The following FSHR variants were observed in gnomAD, a reference collection of about 807,000 sequenced individuals.
FSHR encodes the protein follicle-stimulating hormone receptor.
Under a neutral mutation model 52.1 loss-of-function variants are expected in FSHR, and 46 were observed. The ratio of observed to expected loss-of-function variants is 0.88; its 90% CI spans 0.70 to 1.13. The LOEUF is 1.13. Ranked by LOEUF, FSHR falls within the 50% of genes most tolerant of loss-of-function variation. FSHR has a pLI of 0.00. For missense variants in FSHR, 964 were observed against 834.6 expected (o/e 1.16, Z -1.91); for synonymous variants, 399 against 309.6 (o/e 1.29, Z -3.03).
chr2:49,081,107 C>A (rs987807029), intron 1 of FSHR, among the ~76,000 whole-genome samples: 6 of 152,050 alleles, frequency 3.9e-5, no homozygotes, highest in African/African-American at 1.4e-4. Flanking sequence ...CTCCTCCTGC[C>A]CCAGGGTGTG....
Position 49,122,138 on chromosome 2 carries a change from CT to C in FSHR, c.152+32127del, listed in dbSNP as rs556941053. 1.1e-4 allele frequency among the ~76,000 whole-genome samples: 16 copies of C among 152,222 alleles called. No homozygotes were observed. In the South Asian group the frequency reaches 3.1e-3, roughly 30 times the overall value. On this transcript the variant is annotated intron_variant, in intron 1 of 9. Coordinates refer to ENST00000406846, the MANE Select transcript of FSHR (RefSeq NM_000145.4). ...TGGTGGTGAGAGAGGTGAACTTTTC[CT>C]TTCTCAACTTTAGGATAAAATATGC...
intron 6 of FSHR, among the ~76,000 whole-genome samples, chr2:48,984,586 A>G (rs987013882): frequency 3.9e-5 from 4 of 101,746 alleles, no homozygotes; most frequent in Non-Finnish European, 1.1e-4. Context: ...ATAATTGGGT[A>G]TTTTTTTTTT....
intron 1 of FSHR, among the ~76,000 whole-genome samples, chr2:49,135,634 A>G (rs1208014227): frequency 6.6e-6 from 1 of 152,116 alleles, no homozygotes; most frequent in Non-Finnish European, 1.5e-5. Flanking sequence ...AACAATGTGG[A>G]GGTTAGGTTT....
chr2:49,054,527 G>A (rs1489582061), intron 2 of FSHR, among the ~76,000 whole-genome samples: 1 of 152,146 alleles, frequency 6.6e-6, no homozygotes, highest in African/African-American at 2.4e-5. Context: ...ATCTGGGCCT[G>A]AGAGATAGCC....
intron 1 of FSHR, among the ~76,000 whole-genome samples, chr2:49,128,334 A>G (rs1310383261): frequency 2.6e-5 from 4 of 152,182 alleles, no homozygotes; most frequent in African/African-American, 4.8e-5. Context: ...AAGCATTTAT[A>G]ACTGATATCA....
At chr2:49,094,396 G>A (rs112905075) in intron 1 of FSHR, among the ~76,000 whole-genome samples, 1 of 152,148 alleles carries the variant, frequency 6.6e-6, no homozygotes, top group African/African-American at 2.4e-5. Flanking sequence ...CTGTCTTTAC[G>A]CAGATATTGT....
chr2:49,048,309 A>T (rs1215366673), intron 2 of FSHR, among the ~76,000 whole-genome samples: 1 of 152,194 alleles, frequency 6.6e-6, no homozygotes, highest in Non-Finnish European at 1.5e-5. Context: ...ATAGAAAAAA[A>T]ACCTGGGGCT....
chr2:49,010,758 A>G (rs1667240167), intron 4 of FSHR, among the ~76,000 whole-genome samples: 1 of 152,106 alleles, frequency 6.6e-6, no homozygotes, highest in Non-Finnish European at 1.5e-5. Context: ...TAGTCTTGGA[A>G]GAATGTATGT....
intron 8 of FSHR, among the ~76,000 whole-genome samples, chr2:48,978,281 G>A (rs1361632188): frequency 1.3e-5 from 2 of 152,172 alleles, no homozygotes. Context: ...CAGCAAAGAT[G>A]TTATTACAGG....
At chr2:48,982,556 G>A (rs1361720517) in intron 8 of FSHR, among the ~76,000 whole-genome samples, 1 of 152,080 alleles carries the variant, frequency 6.6e-6, no homozygotes, top group Admixed American at 6.6e-5. Flanking sequence ...AACCTTGAGT[G>A]GGTGAATTAA....
At chr2:49,040,967 T>A (rs918852208) in intron 2 of FSHR, among the ~76,000 whole-genome samples, 3 of 152,158 alleles carry the variant, frequency 2.0e-5, no homozygotes, top group Non-Finnish European at 2.9e-5. Flanking sequence ...GGAATAGGAA[T>A]GGGATAGATG....
At chr2:49,107,231 AT>A (rs1261975988) in intron 1 of FSHR, among the ~76,000 whole-genome samples, 1 of 151,680 alleles carries the variant, frequency 6.6e-6, no homozygotes, top group Non-Finnish European at 1.5e-5. Flanking sequence ...TTTTTTTTAC[AT>A]GCTGTTCCCT....
intron 2 of FSHR, among the ~76,000 whole-genome samples, chr2:49,057,069 C>T (rs1419149869): frequency 6.6e-6 from 1 of 151,718 alleles, no homozygotes; most frequent in Non-Finnish European, 1.5e-5. Flanking sequence ...AAAGATTTCC[C>T]AGCCTCAAAT....
chr2:49,104,521 T>G (rs551943988), intron 1 of FSHR, among the ~76,000 whole-genome samples: 18 of 152,306 alleles, frequency 1.2e-4, no homozygotes, highest in Admixed American at 3.9e-4. Context: ...GAAAATGTTC[T>G]TGTTCAGTCT....
intron 1 of FSHR, among the ~76,000 whole-genome samples, chr2:49,080,831 T>C (rs1670138877): frequency 6.6e-6 from 1 of 152,074 alleles, no homozygotes; most frequent in Non-Finnish European, 1.5e-5. Flanking sequence ...TAATCCAAAG[T>C]CCATACTCCC....
intron 2 of FSHR, among the ~76,000 whole-genome samples, chr2:49,031,462 G>A (rs2104256159): frequency 6.6e-6 from 1 of 152,238 alleles, no homozygotes; most frequent in Non-Finnish European, 1.5e-5. Flanking sequence ...TCCTACACAT[G>A]CCCCCTTTCC....
chr2:49,135,009 T>C (rs1278411191), intron 1 of FSHR, among the ~76,000 whole-genome samples: 2 of 152,142 alleles, frequency 1.3e-5, no homozygotes, highest in Admixed American at 6.6e-5. Context: ...GGCACATGTA[T>C]ACATATGTAA....
intron 2 of FSHR, among the ~76,000 whole-genome samples, chr2:49,030,271 AGTGTGTGTGTGTGTGT>A (rs141079184): frequency 7.1e-5 from 10 of 140,370 alleles, no homozygotes; most frequent in East Asian, 6.2e-4. Context: ...AGGAATAGCA[AGTGTGTGTGTGTGTGT>A]GTGTGTGTGT....
At chr2:49,145,256 G>A (rs925830496) in intron 1 of FSHR, among the ~76,000 whole-genome samples, 1 of 152,044 alleles carries the variant, frequency 6.6e-6, no homozygotes, top group African/African-American at 2.4e-5. Flanking sequence ...TGAGTCTCTT[G>A]TATTTTGACA....
Sources: allele counts gnomAD v4.1 joint callset (sites outside exome capture counted in the v4.1 genomes callset), GRCh38; gene constraint gnomAD v4.1.1; transcripts MANE v1.5; gene names NCBI Gene and HGNC (gene_info 2026-07-23, HGNC 2026-07-21).